The following ARSG variants were observed in gnomAD, a reference collection of about 807,000 sequenced individuals.
ARSG encodes arylsulfatase G, also known as ASG.
Under a neutral mutation model 50.5 loss-of-function variants are expected in ARSG, and 37 were observed. The observed-to-expected ratio is 0.73, with a 90% CI of 0.56 to 0.96. The LOEUF (loss-of-function observed/expected upper bound fraction) is 0.96, where lower values mean the gene tolerates loss of function less well. ARSG is among the 50% of genes least tolerant of loss of function. The probability of loss-of-function intolerance (pLI) is 0.00; values close to 1 mark genes in which losing one functional copy is unlikely to be tolerated. For synonymous variants in ARSG, 225 were observed against 254.6 expected (o/e 0.88, Z 1.11); for missense variants, 629 against 675.3 (o/e 0.93, Z 0.76).
chr17:68,379,713 G>C, intron 8 of ARSG: 1 of 548,516 alleles, frequency 1.8e-6, no homozygotes, highest in Admixed American at 6.4e-5. Context: ...GTCAGTTATG[G>C]GCAGTGTTAG....
intron 7 of ARSG, among the ~76,000 whole-genome samples, chr17:68,369,539 CAA>C (rs571525030): frequency 7.5e-6 from 1 of 132,666 alleles, no homozygotes; most frequent in Non-Finnish European, 1.6e-5. Context: ...GACTCTGTCT[CAA>C]AAAAAAAAAA....
chr17:68,380,889 G>A (rs960398083), intron 8 of ARSG, among the ~76,000 whole-genome samples: 13 of 152,132 alleles, frequency 8.5e-5, no homozygotes, highest in Non-Finnish European at 1.6e-4. Flanking sequence ...GTTGGCAGGG[G>A]TGGCACTGGA....
At chr17:68,319,121 C>G (rs187803632) in intron 2 of ARSG, among the ~76,000 whole-genome samples, 1 of 152,278 alleles carries the variant, frequency 6.6e-6, no homozygotes, top group Non-Finnish European at 1.5e-5. Flanking sequence ...AAAGGACAGT[C>G]TAAACAAGAC....
At chr17:68,311,156 A>T (rs2076837932) in intron 2 of ARSG, among the ~76,000 whole-genome samples, 1 of 152,248 alleles carries the variant, frequency 6.6e-6, no homozygotes, top group Admixed American at 6.5e-5. Context: ...ACTCTGTCTC[A>T]AAACAAACAA....
At chr17:68,364,600 T>G (rs2079454916) in intron 6 of ARSG, among the ~76,000 whole-genome samples, 1 of 152,198 alleles carries the variant, frequency 6.6e-6, no homozygotes, top group South Asian at 2.1e-4. Context: ...CCTCAGGTGA[T>G]CCACCCACCT....
intron 1 of ARSG, among the ~76,000 whole-genome samples, chr17:68,294,508 G>T (rs2076137464): frequency 6.6e-6 from 1 of 152,166 alleles, no homozygotes; most frequent in African/African-American, 2.4e-5. Flanking sequence ...CCTCTGGGAA[G>T]AGGGTCCCGC....
At chr17:68,278,986 G>A (rs1337615496) in intron 1 of ARSG, among the ~76,000 whole-genome samples, 2 of 152,080 alleles carry the variant, frequency 1.3e-5, no homozygotes, top group African/African-American at 2.4e-5. Flanking sequence ...GCATATATAT[G>A]TATATACAAA....
At chr17:68,295,671 ATTTTTTTTT>A (rs56840354) in intron 1 of ARSG, among the ~76,000 whole-genome samples, 3 of 114,540 alleles carry the variant, frequency 2.6e-5, no homozygotes, top group African/African-American at 4.2e-5. Flanking sequence ...TCTAAGACAA[ATTTTTTTTT>A]TTTTTTTTTT....
intron 5 of ARSG, 124 bp downstream of exon 5, chr17:68,351,810 G>A: frequency 3.0e-6 from 2 of 670,408 alleles, no homozygotes; most frequent in East Asian, 2.6e-5. Flanking sequence ...AAGATACACG[G>A]TACATTCTGT....
the ARSG span, among the ~76,000 whole-genome samples, chr17:68,446,736 T>C: frequency 6.6e-6 from 1 of 152,226 alleles, no homozygotes; most frequent in African/African-American, 2.4e-5. Context: ...ATCCCTGGGA[T>C]AGCGGGGCCT....
chr17:68,318,033 A>C (rs1355018457), intron 2 of ARSG, among the ~76,000 whole-genome samples: 1 of 151,564 alleles, frequency 6.6e-6, no homozygotes, highest in Non-Finnish European at 1.5e-5. Flanking sequence ...CGGGAGGTGG[A>C]GGTTGCAGTG....
At chr17:68,398,893 C>T (rs950026484) in intron 10 of ARSG, among the ~76,000 whole-genome samples, 6 of 152,194 alleles carry the variant, frequency 3.9e-5, no homozygotes, top group African/African-American at 1.4e-4. Flanking sequence ...CAGTGAGGGG[C>T]ACCAGGAGAG....
chr17:68,312,936 A>G (rs2076923627), intron 2 of ARSG, among the ~76,000 whole-genome samples: 1 of 152,186 alleles, frequency 6.6e-6, no homozygotes, highest in African/African-American at 2.4e-5. Context: ...GACTGCTGGA[A>G]CAAATTACTC....
chr17:68,275,639 C>T (rs2075488933), intron 1 of ARSG, among the ~76,000 whole-genome samples: 3 of 152,064 alleles, frequency 2.0e-5, no homozygotes, highest in Admixed American at 2.0e-4. Flanking sequence ...AGTCCTAATT[C>T]ATTTGTTATC....
chr17:68,290,331 A>G (rs1264325414), upstream of ARSG, among the ~76,000 whole-genome samples: 3 of 152,232 alleles, frequency 2.0e-5, no homozygotes, highest in Admixed American at 6.5e-5. Flanking sequence ...TGGGGGGAAT[A>G]AAAAGAAAAG....
chr17:68,420,461 T>G lies in ARSG; in HGVS notation c.1576T>G (p.Ter526GluextTer32), dbSNP rs1185647036. Residue 526 changes from the stop codon to glutamate (E), a stop_lost, in exon 12 of 12, where the codon TAA becomes GAA. Coordinates refer to ENST00000621439, the MANE Select transcript of ARSG (RefSeq NM_001267727.2). ...AATTGCCTGCCGCTGTCAAGCCGCA[T>G]AACAGACCAATTTTTATTCCACGAG... ...YQIACRCQAA[*>E] is the part of the protein sequence containing the mutation. The G allele has an allele frequency of 6.2e-7, 1 of 1,605,838 alleles. No individual in the cohort carries two copies. Among genetic ancestry groups the G allele is most frequent in the Non-Finnish European group, 8.5e-7 (1 of 1,174,136 alleles).
chr17:68,376,672 C>G (rs989586825), intron 8 of ARSG, among the ~76,000 whole-genome samples: 1 of 151,826 alleles, frequency 6.6e-6, no homozygotes, highest in East Asian at 1.9e-4. Flanking sequence ...TCCCACTCCC[C>G]CTCCAGCATA....
At chr17:68,287,049 T>C (rs1240369690), upstream of ARSG, among the ~76,000 whole-genome samples, 2 of 152,116 alleles carry the variant, frequency 1.3e-5, no homozygotes, top group African/African-American at 4.8e-5. Flanking sequence ...CATGGCACAA[T>C]CTCAGCTCAC....
intron 8 of ARSG, among the ~76,000 whole-genome samples, chr17:68,376,719 AG>A (rs552679344): frequency 4.6e-5 from 7 of 152,086 alleles, no homozygotes; most frequent in Non-Finnish European, 8.8e-5. Flanking sequence ...CTCTTATATC[AG>A]GGGAGCTGAG....
Sources: allele counts gnomAD v4.1 joint callset (sites outside exome capture counted in the v4.1 genomes callset), GRCh38; gene constraint gnomAD v4.1.1; transcripts MANE v1.5; gene names NCBI Gene and HGNC (gene_info 2026-07-23, HGNC 2026-07-21).